Variants in SRPK1 observed in about 807,000 individuals in gnomAD.
SRPK1 encodes the protein SFRS protein kinase 1.
A neutral mutation model predicts 89.5 loss-of-function variants in SRPK1; 52 were observed. The ratio of observed to expected loss-of-function variants is 0.58; its 90% confidence interval spans 0.46 to 0.73. SRPK1 has a LOEUF of 0.73. Ranked by LOEUF, SRPK1 falls within the 30% of genes least tolerant of loss-of-function variation. SRPK1 has a pLI of 0.00. For missense variants in SRPK1, 603 were observed against 780.6 expected (o/e 0.77, Z 2.71); for synonymous variants, 255 against 270.2 (o/e 0.94, Z 0.55).
chr6:35,880,735 GA>G (rs1238876364), intron 6 of SRPK1, among the ~76,000 whole-genome samples: 15 of 26,982 alleles, frequency 5.6e-4, no homozygotes, highest in East Asian at 2.5e-3. Context: ...AAAAAAAAAA[GA>G]AAAAAAAAAA....
At chr6:35,894,240 A>G (rs1770584801) in intron 2 of SRPK1, among the ~76,000 whole-genome samples, 1 of 151,450 alleles carries the variant, frequency 6.6e-6, no homozygotes, top group African/African-American at 2.4e-5. Context: ...ACTAGTTAAT[A>G]TGAATAGAGA....
intron 2 of SRPK1, chr6:35,905,016 C>T (rs1404465597): frequency 2.3e-6 from 1 of 435,114 alleles, no homozygotes; most frequent in Non-Finnish European, 4.6e-6. Context: ...TTAAGGGGGC[C>T]TGGTGGTGTA....
chr6:35,896,883 G>A (rs1770636365), intron 2 of SRPK1, among the ~76,000 whole-genome samples: 1 of 152,124 alleles, frequency 6.6e-6, no homozygotes, highest in African/African-American at 2.4e-5. Context: ...TACATAAAAA[G>A]GAATGATGTA....
At chr6:35,858,109 C>G (rs1187300869) in intron 12 of SRPK1, among the ~76,000 whole-genome samples, 1 of 151,998 alleles carries the variant, frequency 6.6e-6, no homozygotes, top group African/African-American at 2.4e-5. Context: ...TATTTTTTAT[C>G]ATGGAAAATT....
chr6:35,842,450 G>A (rs1769329685), intron 14 of SRPK1, 85 bp downstream of exon 14: 2 of 1,029,922 alleles, frequency 1.9e-6, no homozygotes, highest in African/African-American at 1.6e-5. Flanking sequence ...ACAAGACTAA[G>A]GCTCTTCGGT....
intron 14 of SRPK1, 195 bp from the exon 15 acceptor site, chr6:35,838,624 G>C (rs1260982415): frequency 2.6e-6 from 4 of 1,549,974 alleles, no homozygotes; most frequent in Non-Finnish European, 3.5e-6. Context: ...AAATTTTTGT[G>C]GATTCAGTGA....
At chr6:35,882,674 G>C in intron 6 of SRPK1, among the ~76,000 whole-genome samples, 1 of 152,108 alleles carries the variant, frequency 6.6e-6, no homozygotes, top group Non-Finnish European at 1.5e-5. Flanking sequence ...ATTGGCTACA[G>C]AATTATCAGG....
chr6:35,860,188 G>A (rs1213289640), intron 12 of SRPK1, among the ~76,000 whole-genome samples: 1 of 152,092 alleles, frequency 6.6e-6, no homozygotes. Flanking sequence ...ACACTGCTAT[G>A]GTTTGAATGT....
intron 13 of SRPK1, among the ~76,000 whole-genome samples, chr6:35,856,210 T>C (rs1391198004): frequency 3.3e-5 from 5 of 152,174 alleles, no homozygotes; most frequent in African/African-American, 1.2e-4. Flanking sequence ...CTCTGAATAC[T>C]TGAAGCTTGG....
intron 6 of SRPK1, among the ~76,000 whole-genome samples, chr6:35,885,383 A>G (rs1168560127): frequency 1.3e-5 from 2 of 151,734 alleles, no homozygotes; most frequent in Admixed American, 1.3e-4. Flanking sequence ...AGATGGTTGC[A>G]GCAGTTTTCC....
intron 6 of SRPK1, among the ~76,000 whole-genome samples, chr6:35,881,220 C>T (rs768648943): frequency 7.2e-5 from 11 of 152,012 alleles, no homozygotes; most frequent in Admixed American, 6.6e-4. Context: ...TGAAAAGACA[C>T]TAAACAATAA....
intron 13 of SRPK1, among the ~76,000 whole-genome samples, chr6:35,850,598 T>G (rs1322745081): frequency 6.6e-6 from 1 of 152,196 alleles, no homozygotes; most frequent in Non-Finnish European, 1.5e-5. Flanking sequence ...TAAATTATAT[T>G]AATCAAAGCA....
chr6:35,867,587 G>A (rs772457340), intron 12 of SRPK1, among the ~76,000 whole-genome samples: 2 of 152,108 alleles, frequency 1.3e-5, no homozygotes, highest in East Asian at 1.9e-4. Flanking sequence ...AGGCCGAGAC[G>A]GGCAGATCAC....
At chr6:35,868,321 T>C in intron 12 of SRPK1, among the ~76,000 whole-genome samples, 1 of 152,174 alleles carries the variant, frequency 6.6e-6, no homozygotes, top group Non-Finnish European at 1.5e-5. Flanking sequence ...TATGACACTA[T>C]ACATCAAAAA....
chr6:35,838,405 AGTTCT>A lies in SRPK1; in HGVS notation c.1710_1714del (p.Glu571SerfsTer24). The A allele has an allele frequency of 2.5e-6, 4 of 1,580,812 alleles. No individual in the cohort carries two copies. The highest frequency in any genetic ancestry group is 3.4e-6 in the Non-Finnish European group (4 of 1,171,546). On this transcript the variant is annotated frameshift_variant, in exon 15 of 16. Transcript: ENST00000373825. LOFTEE classifies it high-confidence loss of function. ...GAGCTTGCGAGGCACCTTCCCCAGA[AGTTCT>A]ATGATCAATGCAATGTGATCTGTAT...
At chr6:35,920,953 A>C in intron 1 of SRPK1, 91 bp downstream of exon 1, 2 of 1,420,354 alleles carry the variant, frequency 1.4e-6, no homozygotes, top group Non-Finnish European at 1.9e-6. Context: ...CGGGAACCGA[A>C]CCGCGGCAGT....
At chr6:35,853,664 T>C (rs532241012) in intron 13 of SRPK1, among the ~76,000 whole-genome samples, 218 of 152,294 alleles carry the variant, frequency 1.4e-3, no homozygotes, top group Middle Eastern at 6.8e-3. Flanking sequence ...GTGGGAGTCC[T>C]ACAAATCCTG....
At chr6:35,847,841 T>A (rs1769458470) in intron 13 of SRPK1, among the ~76,000 whole-genome samples, 1 of 152,140 alleles carries the variant, frequency 6.6e-6, no homozygotes, top group Admixed American at 6.5e-5. Flanking sequence ...TTTATTTTTT[T>A]TTTTGAGAGA....
At chr6:35,867,460 T>C (rs964842093) in intron 12 of SRPK1, among the ~76,000 whole-genome samples, 3 of 152,178 alleles carry the variant, frequency 2.0e-5, no homozygotes, top group African/African-American at 7.2e-5. Context: ...AGCATATGGC[T>C]CTTTGAGTAC....
Sources: gnomAD v4.1 joint callset for allele counts (sites outside exome capture counted in the v4.1 genomes callset) on GRCh38, gnomAD v4.1.1 for gene constraint, MANE v1.5 for transcripts, NCBI Gene and HGNC (gene_info 2026-07-23, HGNC 2026-07-21) for gene names.